MTHFD2L: variants seen among roughly 807,000 people sequenced by gnomAD.
MTHFD2L encodes methylenetetrahydrofolate dehydrogenase (NADP+ dependent) 2 like.
MTHFD2L carries 29 observed loss-of-function variants against 34.9 expected under a neutral mutation model. The ratio of observed to expected loss-of-function variants is 0.83; its 90% CI spans 0.62 to 1.13. MTHFD2L has a LOEUF of 1.13. MTHFD2L is among the 50% of genes most tolerant of loss of function. The probability of loss-of-function intolerance (pLI) is 0.00; values close to 1 mark genes in which losing one functional copy is unlikely to be tolerated. For missense variants in MTHFD2L, 481 were observed against 446.5 expected (o/e 1.08, Z -0.70); for synonymous variants, 167 against 155.7 (o/e 1.07, Z -0.54).
chr4:74,293,600 G>GTAAGAAGAAATATAGTAA, intron 7 of MTHFD2L: 3 of 860,356 alleles, frequency 3.5e-6, no homozygotes, highest in Non-Finnish European at 4.2e-6. Flanking sequence ...CGGAGCACTT[G>GTAAGAAGAAATATAGTAA]ATTCCTGGTT....
Position 74,201,382 on chromosome 4 carries a change from CT to C in MTHFD2L, c.712+14del. 1.3e-6 allele frequency: 2 copies of C among 1,576,954 alleles called. No individual in the cohort carries two copies. The highest frequency in any genetic ancestry group is 1.7e-6 in the Non-Finnish European group (2 of 1,148,742). Reference sequence around the variant, plus strand: ...TGAACGGCCAGGAGGTAGGTAGAACCTTGCAGATTCTACACTCTCTCGCAGT... The same window carrying C: ...TGAACGGCCAGGAGGTAGGTAGAACCTGCAGATTCTACACTCTCTCGCAGT... On this transcript the variant is annotated intron_variant, in intron 5 of 7. Coordinates refer to ENST00000325278, the MANE Select transcript of MTHFD2L (RefSeq NM_001144978.3).
intron 6 of MTHFD2L, among the ~76,000 whole-genome samples, chr4:74,248,567 G>T (rs1382557038): frequency 2.7e-5 from 4 of 147,652 alleles, no homozygotes; most frequent in African/African-American, 7.5e-5. Flanking sequence ...TTTTAATTGT[G>T]ATGTTAGGGT....
intron 3 of MTHFD2L, among the ~76,000 whole-genome samples, chr4:74,184,254 A>C (rs1369570720): frequency 6.6e-6 from 1 of 152,226 alleles, no homozygotes; most frequent in Non-Finnish European, 1.5e-5. Context: ...TTAAAAATCA[A>C]GTCCCAACTG....
upstream of MTHFD2L, among the ~76,000 whole-genome samples, chr4:74,119,311 C>T (rs768005448): frequency 2.0e-5 from 3 of 152,106 alleles, no homozygotes; most frequent in Non-Finnish European, 2.9e-5. Flanking sequence ...CACTTCCATC[C>T]GCACCTCTTT....
intron 6 of MTHFD2L, among the ~76,000 whole-genome samples, chr4:74,233,366 A>C (rs1193164606): frequency 1.3e-5 from 2 of 152,154 alleles, no homozygotes; most frequent in East Asian, 3.8e-4. Flanking sequence ...TTTTAAATTC[A>C]ATTTTAACTT....
upstream of MTHFD2L, among the ~76,000 whole-genome samples, chr4:74,124,058 G>C (rs140322985): frequency 3.7e-3 from 569 of 151,930 alleles, 5 homozygotes; most frequent in African/African-American, 0.013. Flanking sequence ...CCATTGGGGG[G>C]CACAGTTGGT....
chr4:74,247,713 T>C (rs1053788851), intron 6 of MTHFD2L, among the ~76,000 whole-genome samples: 3 of 152,212 alleles, frequency 2.0e-5, no homozygotes, highest in African/African-American at 7.2e-5. Flanking sequence ...TTGTCAAAGG[T>C]CTTTTCTTCA....
intron 1 of MTHFD2L, among the ~76,000 whole-genome samples, chr4:74,151,223 A>G (rs1401265935): frequency 6.6e-6 from 1 of 152,230 alleles, no homozygotes; most frequent in African/African-American, 2.4e-5. Context: ...TGAAACTGGT[A>G]GTCACATTAA....
intron 7 of MTHFD2L, among the ~76,000 whole-genome samples, chr4:74,289,604 G>A (rs570657899): frequency 2.0e-5 from 3 of 152,166 alleles, no homozygotes; most frequent in Admixed American, 6.6e-5. Context: ...CACATAGGCC[G>A]TATAGAGGTA....
chr4:74,244,557 T>A (rs1362433166), intron 6 of MTHFD2L, among the ~76,000 whole-genome samples: 1 of 152,192 alleles, frequency 6.6e-6, no homozygotes, highest in Non-Finnish European at 1.5e-5. Context: ...CTAATGAATG[T>A]AATTTTTATA....
chr4:74,118,645 G>C (rs1044934629), upstream of MTHFD2L, among the ~76,000 whole-genome samples: 4 of 152,214 alleles, frequency 2.6e-5, no homozygotes, highest in Non-Finnish European at 5.9e-5. Context: ...GAAGACACCA[G>C]AGATGCAACC....
At chr4:74,159,814 C>G (rs1487058217) in intron 1 of MTHFD2L, among the ~76,000 whole-genome samples, 2 of 152,164 alleles carry the variant, frequency 1.3e-5, no homozygotes, top group East Asian at 3.8e-4. Flanking sequence ...GCTTTCAGTT[C>G]CACTTGATGC....
At chr4:74,135,709 G>A (rs1305772580) in intron 1 of MTHFD2L, among the ~76,000 whole-genome samples, 1 of 150,436 alleles carries the variant, frequency 6.6e-6, no homozygotes, top group Admixed American at 6.6e-5. Flanking sequence ...TTTTTTTAAA[G>A]AAGCTAGAGG....
chr4:74,153,802 C>G (rs544193437), upstream of MTHFD2L, among the ~76,000 whole-genome samples: 10 of 152,078 alleles, frequency 6.6e-5, no homozygotes, highest in African/African-American at 2.4e-4. Flanking sequence ...CGGAAAAATT[C>G]AGAAAATAGT....
Position 74,298,555 on chromosome 4 carries a change from A to G in MTHFD2L, c.932-3142A>G, listed in dbSNP as rs555637797. Among the ~76,000 whole-genome samples the G allele has an allele frequency of 3.9e-5, 6 of 152,196 alleles. No homozygotes were observed. The South Asian group carries it at 1.2e-3, about 32-fold the overall frequency. ...TTGTCTGAAAAACATAATTTGGAAGAGGAAGATAATGATACCTGAGCATAC... is the reference window on the plus strand; with the variant it reads ...TTGTCTGAAAAACATAATTTGGAAGGGGAAGATAATGATACCTGAGCATAC... On this transcript the variant is annotated intron_variant, in intron 7 of 7. Coordinates refer to ENST00000325278, the MANE Select transcript of MTHFD2L (RefSeq NM_001144978.3).
chr4:74,208,888 G>A (rs1214783413), intron 5 of MTHFD2L, among the ~76,000 whole-genome samples: 2 of 152,084 alleles, frequency 1.3e-5, no homozygotes, highest in East Asian at 1.9e-4. Context: ...TTGTGATAAG[G>A]ACAAAGACCA....
intron 3 of MTHFD2L, among the ~76,000 whole-genome samples, chr4:74,191,310 T>A (rs949849976): frequency 3.6e-4 from 55 of 151,946 alleles, no homozygotes; most frequent in African/African-American, 1.3e-3. Context: ...AAGGGCATTG[T>A]ATACACACTC....
chr4:74,203,457 G>C (rs1316273329), intron 5 of MTHFD2L, among the ~76,000 whole-genome samples: 1 of 152,166 alleles, frequency 6.6e-6, no homozygotes, highest in Non-Finnish European at 1.5e-5. Flanking sequence ...CTAAGACTGG[G>C]TAATTTCTAA....
intron 5 of MTHFD2L, among the ~76,000 whole-genome samples, chr4:74,210,958 G>A (rs909884358): frequency 6.6e-6 from 1 of 152,014 alleles, no homozygotes; most frequent in African/African-American, 2.4e-5. Context: ...ATTGTCAATG[G>A]GAGTTCACTC....
Sources: gnomAD v4.1 joint callset for allele counts (sites outside exome capture counted in the v4.1 genomes callset) on GRCh38, gnomAD v4.1.1 for gene constraint, MANE v1.5 for transcripts, NCBI Gene and HGNC (gene_info 2026-07-23, HGNC 2026-07-21) for gene names.